Variants in CNTLN observed in about 807,000 individuals in gnomAD.
CNTLN encodes centlein.
A neutral mutation model predicts 180.0 loss-of-function variants in CNTLN; 212 were observed. That is an observed-to-expected ratio of 1.18 (90% CI 1.05 to 1.32). The LOEUF is 1.32. Ranked by LOEUF, CNTLN falls within the 40% of genes most tolerant of loss-of-function variation. The pLI, the probability that CNTLN is intolerant of heterozygous loss-of-function variation, is 0.00. For synonymous variants in CNTLN, 722 were observed against 563.1 expected (o/e 1.28, Z -3.99); for missense variants, 2,095 against 1,610.9 (o/e 1.30, Z -5.14).
intron 15 of CNTLN, among the ~76,000 whole-genome samples, chr9:17,402,641 G>C (rs1827072996): frequency 1.3e-5 from 2 of 151,830 alleles, no homozygotes; most frequent in South Asian, 2.1e-4. Context: ...GGCCTGAATA[G>C]AATATAAAGA....
At chr9:17,201,844 C>T (rs1419666600) in intron 2 of CNTLN, among the ~76,000 whole-genome samples, 3 of 151,894 alleles carry the variant, frequency 2.0e-5, no homozygotes, top group East Asian at 1.9e-4. Context: ...TTCAATTCTG[C>T]TCTGATCTTA....
intron 9 of CNTLN, 117 bp from the exon 10 acceptor site, chr9:17,332,486 ATT>A (rs3084508): frequency 0.52 from 402,494 of 772,930 alleles, 70,023 homozygotes; most frequent in East Asian, 0.57. Context: ...TCCATGCAGG[ATT>A]TTTTTTTTTT....
chr9:17,149,557 G>T, intron 2 of CNTLN, among the ~76,000 whole-genome samples: 1 of 125,106 alleles, frequency 8.0e-6, no homozygotes, highest in South Asian at 2.6e-4. Flanking sequence ...TCGCTCTGTC[G>T]CCCAGGCTGG....
At chr9:17,318,842 ATCCATCCATCC>A (rs1563990151) in intron 8 of CNTLN, among the ~76,000 whole-genome samples, 1 of 3,494 alleles carries the variant, frequency 2.9e-4, no homozygotes, top group Non-Finnish European at 2.0e-3. Context: ...CCTTTATTCC[ATCCATCCATCC>A]ATCCATCCAT....
intron 2 of CNTLN, among the ~76,000 whole-genome samples, chr9:17,158,130 G>C (rs994105224): frequency 6.6e-6 from 1 of 152,086 alleles, no homozygotes; most frequent in East Asian, 1.9e-4. Flanking sequence ...TACCCAACCT[G>C]TATCTTTTCT....
intron 12 of CNTLN, among the ~76,000 whole-genome samples, chr9:17,344,614 T>C (rs565595545): frequency 1.3e-5 from 2 of 152,286 alleles, no homozygotes; most frequent in African/African-American, 4.8e-5. Context: ...TTAAACATTC[T>C]TAATGAAATG....
chr9:17,357,376 G>A (rs1023693962), intron 12 of CNTLN, among the ~76,000 whole-genome samples: 2 of 151,680 alleles, frequency 1.3e-5, no homozygotes, highest in African/African-American at 4.8e-5. Context: ...TATCACTTGA[G>A]TAAATGGCAA....
chr9:17,266,688 TTA>T (rs1245231259), intron 5 of CNTLN, among the ~76,000 whole-genome samples: 3 of 152,188 alleles, frequency 2.0e-5, no homozygotes, highest in Admixed American at 6.5e-5. Flanking sequence ...TCTTTGTAGG[TTA>T]CTCAGGACTT....
At chr9:17,308,321 A>T (rs1166597193) in intron 7 of CNTLN, among the ~76,000 whole-genome samples, 5 of 152,104 alleles carry the variant, frequency 3.3e-5, no homozygotes, top group African/African-American at 9.7e-5. Flanking sequence ...ATTTTTTCAC[A>T]GTTTAAGGTT....
At chr9:17,338,827 A>T (rs79398562) in intron 10 of CNTLN, among the ~76,000 whole-genome samples, 3,214 of 152,282 alleles carry the variant, frequency 0.021, 118 homozygotes, top group African/African-American at 0.074. Context: ...ACTGAATTTA[A>T]GTAACTAGAT....
chr9:17,416,715 C>A (rs1360396199), intron 18 of CNTLN, among the ~76,000 whole-genome samples: 2 of 152,062 alleles, frequency 1.3e-5, no homozygotes, highest in African/African-American at 4.8e-5. Flanking sequence ...CAACATTATA[C>A]CTTACTCCTG....
At chr9:17,474,470 T>C (rs146110690) in intron 23 of CNTLN, among the ~76,000 whole-genome samples, 1,975 of 152,318 alleles carry the variant, frequency 0.013, 13 homozygotes, top group Non-Finnish European at 0.02. Context: ...TCACCACTGC[T>C]GTGGTTACTA....
intron 7 of CNTLN, among the ~76,000 whole-genome samples, chr9:17,305,034 AT>A (rs1818612781): frequency 6.6e-6 from 1 of 152,164 alleles, no homozygotes; most frequent in African/African-American, 2.4e-5. Context: ...AACAGAGCAT[AT>A]ACATTTTCAA....
chr9:17,333,073 A>G (rs1368855483), intron 10 of CNTLN, among the ~76,000 whole-genome samples: 1 of 152,128 alleles, frequency 6.6e-6, no homozygotes, highest in African/African-American at 2.4e-5. Flanking sequence ...TATGATAAAC[A>G]TATGTAAATG....
rs140148574 is a variant in CNTLN, at chr9:17,181,748, G to A, written c.449+38372G>A. Among the ~76,000 whole-genome samples the A allele has an allele frequency of 5.1e-4, 78 of 152,276 alleles. 2 individuals carry two copies. In the East Asian group the frequency reaches 0.014, roughly 26 times the overall value. ...GTTTAGAAGTTTAGGTTCCCCTCTGGTCTCTGAAGACACCTGAGGAATATG... is the reference window on the plus strand; with the variant it reads ...GTTTAGAAGTTTAGGTTCCCCTCTGATCTCTGAAGACACCTGAGGAATATG... On this transcript the variant is annotated intron_variant, in intron 2 of 25. Coordinates refer to ENST00000380647, the MANE Select transcript of CNTLN (RefSeq NM_017738.4).
intron 12 of CNTLN, among the ~76,000 whole-genome samples, chr9:17,355,945 T>A (rs1302515655): frequency 3.3e-5 from 5 of 151,184 alleles, no homozygotes. Flanking sequence ...GCGCCTGTAG[T>A]CCCAGCTACT....
intron 12 of CNTLN, among the ~76,000 whole-genome samples, chr9:17,354,179 G>C (rs974408284): frequency 6.6e-6 from 1 of 152,204 alleles, no homozygotes; most frequent in Non-Finnish European, 1.5e-5. Context: ...CCGCCGGGCA[G>C]GGCTCGGGAC....
At chr9:17,380,660 G>C (rs989398415) in intron 13 of CNTLN, among the ~76,000 whole-genome samples, 2 of 152,188 alleles carry the variant, frequency 1.3e-5, no homozygotes, top group African/African-American at 4.8e-5. Flanking sequence ...AGATTCCTCA[G>C]TCTTTACTGA....
At chr9:17,162,175 C>T (rs1319636790) in intron 2 of CNTLN, among the ~76,000 whole-genome samples, 7 of 151,922 alleles carry the variant, frequency 4.6e-5, no homozygotes, top group South Asian at 4.2e-4. Context: ...AGTGCAGTGG[C>T]GCGATCTCAG....
Sources: gnomAD v4.1 joint callset for allele counts (sites outside exome capture counted in the v4.1 genomes callset) on GRCh38, gnomAD v4.1.1 for gene constraint, MANE v1.5 for transcripts, NCBI Gene and HGNC (gene_info 2026-07-23, HGNC 2026-07-21) for gene names.